The following ITGAM variants were observed in gnomAD, a reference collection of about 807,000 sequenced individuals.
The protein encoded by ITGAM is integrin subunit alpha M.
In ITGAM, 79 loss-of-function variants were observed where a neutral mutation model predicts 137.5. That is an observed-to-expected ratio of 0.57 (90% CI 0.48 to 0.69). The LOEUF (loss-of-function observed/expected upper bound fraction) is 0.69, where lower values mean the gene tolerates loss of function less well. ITGAM is among the 30% of genes least tolerant of loss of function. The pLI, the probability that ITGAM is intolerant of heterozygous loss-of-function variation, is 0.00. For synonymous variants in ITGAM, 583 were observed against 592.3 expected (o/e 0.98, Z 0.23); for missense variants, 1,343 against 1,483.5 (o/e 0.91, Z 1.56).
At chr16:31,290,098 A>T in intron 12 of ITGAM, among the ~76,000 whole-genome samples, 1 of 151,740 alleles carries the variant, frequency 6.6e-6, no homozygotes. Context: ...AAAAAAAAAA[A>T]AAAGAAATAC....
intron 16 of ITGAM, among the ~76,000 whole-genome samples, chr16:31,323,777 G>A (rs2080474410): frequency 6.6e-6 from 1 of 152,078 alleles, no homozygotes; most frequent in African/African-American, 2.4e-5. Context: ...TTTAATCCTA[G>A]CGCTTTGGGA....
intron 14 of ITGAM, among the ~76,000 whole-genome samples, chr16:31,312,955 C>T (rs1034793722): frequency 6.6e-6 from 1 of 150,646 alleles, no homozygotes; most frequent in African/African-American, 2.4e-5. Flanking sequence ...CACAGTGGCT[C>T]ATGCCTGTAA....
intron 24 of ITGAM, 114 bp from the exon 25 acceptor site, chr16:31,329,684 C>A: frequency 1.3e-6 from 1 of 784,554 alleles, no homozygotes. Context: ...CTCTCTCAAA[C>A]AGGAAGGGGC....
chr16:31,275,799 C>T, intron 9 of ITGAM, 100 bp downstream of exon 9: 5 of 1,165,590 alleles, frequency 4.3e-6, no homozygotes, highest in Non-Finnish European at 6.1e-6. Flanking sequence ...CCCTTGGTAT[C>T]CCCCAGCATC....
At chr16:31,266,755 G>A (rs917453544) in intron 5 of ITGAM, among the ~76,000 whole-genome samples, 2 of 152,038 alleles carry the variant, frequency 1.3e-5, no homozygotes, top group African/African-American at 4.8e-5. Context: ...GATGGTGCAA[G>A]GTGTCATTGG....
At chr16:31,262,484 A>G (rs1332921330) in intron 2 of ITGAM, among the ~76,000 whole-genome samples, 1 of 151,592 alleles carries the variant, frequency 6.6e-6, no homozygotes, top group Non-Finnish European at 1.5e-5. Context: ...CTCACTGTAG[A>G]CTCAAACTCC....
chr16:31,271,080 C>A lies in ITGAM; in HGVS notation c.554C>A (p.Thr185Asn). Residue 185 changes from threonine (T) to asparagine (N), a missense_variant, in exon 6 of 30, where the codon ACC (threonine) becomes AAC (asparagine). By Grantham distance (65) the Thr-to-Asn change is moderately conservative (BLOSUM62 0). Transcript: ENST00000544665. ...TVMEQLKKSK[T>N]LFSLMQYSEE... Reference sequence around the variant, plus strand: ...ATGGAGCAATTAAAAAAGTCCAAAACCTTGGTGAGGGCCCAGGGGTAGGTT... The same window carrying A: ...ATGGAGCAATTAAAAAAGTCCAAAAACTTGGTGAGGGCCCAGGGGTAGGTT... The A allele has an allele frequency of 6.4e-7, 1 of 1,563,812 alleles. No individual in the cohort carries two copies. The highest frequency in any genetic ancestry group is 8.7e-7 in the Non-Finnish European group (1 of 1,149,938).
intron 14 of ITGAM, among the ~76,000 whole-genome samples, chr16:31,314,024 C>G (rs1217705882): frequency 6.6e-6 from 1 of 151,492 alleles, no homozygotes. Flanking sequence ...ACATAAATGT[C>G]TTCTTTTGAG....
chr16:31,312,028 C>T (rs1307015977), intron 14 of ITGAM, among the ~76,000 whole-genome samples: 1 of 150,210 alleles, frequency 6.7e-6, no homozygotes, highest in East Asian at 2.0e-4. Flanking sequence ...AGCAAACTAT[C>T]GCAAGGACAA....
chr16:31,315,588 G>C (rs1407036764), intron 14 of ITGAM, among the ~76,000 whole-genome samples: 1 of 152,012 alleles, frequency 6.6e-6, no homozygotes. Flanking sequence ...CTCCCAAGTA[G>C]CTGGGATTAC....
intron 8 of ITGAM, among the ~76,000 whole-genome samples, chr16:31,274,088 T>A (rs2079880492): frequency 6.6e-6 from 1 of 152,240 alleles, no homozygotes; most frequent in African/African-American, 2.4e-5. Context: ...GTTTGTGTTT[T>A]TCCACAACAT....
chr16:31,311,494 C>G (rs2080330853), intron 14 of ITGAM, among the ~76,000 whole-genome samples: 1 of 152,144 alleles, frequency 6.6e-6, no homozygotes. Context: ...AGACACTTCT[C>G]AAAAGAAGAC....
Position 31,321,244 on chromosome 16 carries a change from A to G in ITGAM, c.1711A>G (p.Ile571Val), listed in dbSNP as rs878861393. 10 of 1,613,716 alleles carry G rather than the reference A, an allele frequency of 6.2e-6. No individual in the cohort carries two copies. The South Asian group carries it at 7.7e-5, about 12-fold the overall frequency. ...SGISPSHSQR[I>V]AGSKLSPRLQ... Reference sequence around the variant, plus strand: ...CACACCTCTTTTTTACCCTCAGCGGATAGCAGGCTCCAAGCTCTCTCCCAG... The same window carrying G: ...CACACCTCTTTTTTACCCTCAGCGGGTAGCAGGCTCCAAGCTCTCTCCCAG... The change falls in exon 15 of 30, where the codon ATA becomes GTA. Residue 571 changes from isoleucine (I) to valine (V), a missense_variant. By Grantham distance (29) the Ile-to-Val change is conservative. Coordinates refer to ENST00000544665, the MANE Select transcript of ITGAM (RefSeq NM_000632.4).
intron 29 of ITGAM, 180 bp downstream of exon 29, chr16:31,331,455 C>A: frequency 1.5e-6 from 1 of 655,788 alleles, no homozygotes; most frequent in Non-Finnish European, 2.7e-6. Context: ...GCGCTGAGAA[C>A]GAGTCGCCCT....
At chr16:31,298,916 C>G (rs2080166843) in intron 14 of ITGAM, among the ~76,000 whole-genome samples, 1 of 152,184 alleles carries the variant, frequency 6.6e-6, no homozygotes, top group Non-Finnish European at 1.5e-5. Flanking sequence ...AGTTGGCTTT[C>G]TGTCTCCTGC....
chr16:31,331,299 C>CCCCCCCCTCAT, intron 29 of ITGAM, 24 bp downstream of exon 29: 1 of 1,312,282 alleles, frequency 7.6e-7, no homozygotes. Flanking sequence ...CTCCCCCACC[C>CCCCCCCCTCAT]CCTCCCTTCA....
At chr16:31,300,773 G>A (rs1384818229) in intron 14 of ITGAM, among the ~76,000 whole-genome samples, 3 of 152,166 alleles carry the variant, frequency 2.0e-5, no homozygotes, top group Non-Finnish European at 2.9e-5. Context: ...TAGCCGGGCT[G>A]TGGTGGTGCA....
At chr16:31,321,787 C>T (rs2080453941) in intron 16 of ITGAM, among the ~76,000 whole-genome samples, 160 bp downstream of exon 16, 2 of 152,204 alleles carry the variant, frequency 1.3e-5, no homozygotes, top group Admixed American at 1.3e-4. Flanking sequence ...TATTGTCCTG[C>T]TGGGTAGGGA....
At chr16:31,329,026 G>T in intron 23 of ITGAM, 1 of 634,690 alleles carries the variant, frequency 1.6e-6, no homozygotes, top group East Asian at 2.7e-5. Flanking sequence ...GCACGTGTGT[G>T]TGAGTGGCCC....
Sources: allele counts gnomAD v4.1 joint callset (sites outside exome capture counted in the v4.1 genomes callset), GRCh38; gene constraint gnomAD v4.1.1; transcripts MANE v1.5; gene names NCBI Gene and HGNC (gene_info 2026-07-23, HGNC 2026-07-21).